The following STYX variants were observed in gnomAD, a reference collection of about 807,000 sequenced individuals.
STYX encodes the protein serine/threonine/tyrosine interacting protein.
In STYX, 20 loss-of-function variants were observed where a neutral mutation model predicts 42.7. That is an observed-to-expected ratio of 0.47 (90% CI 0.33 to 0.68). The LOEUF (loss-of-function observed/expected upper bound fraction) is 0.68, where lower values mean the gene tolerates loss of function less well. STYX is among the 30% of genes least tolerant of loss of function. The pLI, the probability that STYX is intolerant of heterozygous loss-of-function variation, is 0.02. For synonymous variants in STYX, 78 were observed against 81.9 expected, an observed-to-expected ratio of 0.95 and a Z score of 0.26; for missense variants, 226 against 268.5, an observed-to-expected ratio of 0.84 and a Z score of 1.11.
intron 9 of STYX, among the ~76,000 whole-genome samples, chr14:52,766,048 G>A (rs1882290654): frequency 6.6e-6 from 1 of 152,160 alleles, no homozygotes; most frequent in African/African-American, 2.4e-5. Context: ...CCAGGCTACA[G>A]TGCAGTGGCG....
At chr14:52,730,679 G>C in intron 1 of STYX, 148 bp downstream of exon 1, 2 of 802,510 alleles carry the variant, frequency 2.5e-6, no homozygotes, top group Middle Eastern at 3.6e-4. Flanking sequence ...CGAGCGGTCG[G>C]CTCCAATCCC....
chr14:52,761,970 G>C (rs755706157), intron 9 of STYX, among the ~76,000 whole-genome samples: 5 of 151,428 alleles, frequency 3.3e-5, no homozygotes, highest in Non-Finnish European at 7.4e-5. Context: ...GCTTGAACTC[G>C]GGAGGCGGAG....
chr14:52,732,194 C>G (rs1594860264), intron 1 of STYX, among the ~76,000 whole-genome samples: 1 of 150,496 alleles, frequency 6.6e-6, no homozygotes, highest in Admixed American at 6.6e-5. Flanking sequence ...GCCTCGGGTC[C>G]CGGTTCAAAC....
intron 1 of STYX, among the ~76,000 whole-genome samples, chr14:52,734,302 A>G (rs901042913): frequency 3.3e-5 from 5 of 152,070 alleles, no homozygotes; most frequent in African/African-American, 2.4e-5. Context: ...CTGCCTCCAG[A>G]CCCTATTCAC....
At chr14:52,760,742 TTG>T (rs372864408) in intron 9 of STYX, among the ~76,000 whole-genome samples, 213 of 152,316 alleles carry the variant, frequency 1.4e-3, no homozygotes, top group African/African-American at 5.0e-3. Context: ...TCTTCTAACT[TTG>T]TAAGTTTCTT....
At chr14:52,738,879 G>T (rs1449332381) in intron 1 of STYX, among the ~76,000 whole-genome samples, 1 of 151,816 alleles carries the variant, frequency 6.6e-6, no homozygotes, top group Non-Finnish European at 1.5e-5. Context: ...TTATTCTAAG[G>T]GCCCATTTAT....
Position 52,752,184 on chromosome 14 carries a change from A to AC in STYX, c.242+1404_242+1405insC, listed in dbSNP as rs1471054647. On this transcript the variant is annotated intron_variant, in intron 4 of 10. Transcript: ENST00000354586. Reference sequence around the variant, plus strand: ...CAAAAACAAAACAAAACAAAACAAAAAAAAAACAGCGCTGTGGCTTACACC... The same window carrying AC: ...CAAAAACAAAACAAAACAAAACAAAACAAAAAACAGCGCTGTGGCTTACACC... 1.2e-3 allele frequency among the ~76,000 whole-genome samples: 137 copies of AC among 115,196 alleles called. No individual in the cohort carries two copies. The South Asian group carries it at 0.013, about 11-fold the overall frequency. 75.6% of individuals were successfully genotyped at this position (115,196 alleles called of 152,430 possible).
Position 52,774,646 on chromosome 14 carries a change from C to A in STYX, c.*3540C>A, listed in dbSNP as rs1372826552. The A allele has an allele frequency of 6.8e-6, 1 of 146,934 alleles. No homozygotes were observed. The highest frequency in any genetic ancestry group is 1.5e-5 in the Non-Finnish European group (1 of 67,276). 9.1% of individuals were successfully genotyped at this position (146,934 alleles called of 1,614,324 possible). A position where few individuals can be genotyped will look rare whatever the true frequency, so the allele number is the denominator to read the frequency against. On this transcript the variant is annotated 3_prime_UTR_variant, in exon 11 of 11. Transcript: ENST00000354586. The stretch of plus-strand genomic sequence containing the variant: ...TGTGGCAGCTAAAACAAAAATCACT[C>A]AAAATATTCAGGTTTACATGTTAGC...
intron 1 of STYX, among the ~76,000 whole-genome samples, chr14:52,743,412 T>G (rs1881273072): frequency 6.6e-6 from 1 of 151,840 alleles, no homozygotes; most frequent in South Asian, 2.1e-4. Context: ...AAACCCCGTC[T>G]CTACTAAAAG....
At chr14:52,740,744 T>G (rs1004102684) in intron 1 of STYX, among the ~76,000 whole-genome samples, 4 of 152,218 alleles carry the variant, frequency 2.6e-5, no homozygotes, top group African/African-American at 9.6e-5. Context: ...TAATCTGTCT[T>G]TTGTCTAGTT....
chr14:52,768,226 A>G (rs1882384750), intron 9 of STYX, among the ~76,000 whole-genome samples: 1 of 152,182 alleles, frequency 6.6e-6, no homozygotes, highest in Non-Finnish European at 1.5e-5. Flanking sequence ...TAGAAAATGC[A>G]TAAAATGTAA....
At chr14:52,753,694 T>C (rs1029267827) in intron 4 of STYX, among the ~76,000 whole-genome samples, 8 of 152,118 alleles carry the variant, frequency 5.3e-5, no homozygotes, top group African/African-American at 1.9e-4. Context: ...GTGAATAGTA[T>C]TGGATTTTAT....
intron 1 of STYX, among the ~76,000 whole-genome samples, chr14:52,736,680 C>T (rs947405982): frequency 2.6e-5 from 4 of 152,076 alleles, no homozygotes; most frequent in Admixed American, 1.3e-4. Flanking sequence ...TGCTTTTTAA[C>T]CCTTACTCTA....
At chr14:52,767,862 T>G (rs1882369877) in intron 9 of STYX, among the ~76,000 whole-genome samples, 1 of 152,176 alleles carries the variant, frequency 6.6e-6, no homozygotes, top group African/African-American at 2.4e-5. Flanking sequence ...CTCATGTATA[T>G]CCAGGCTAGA....
At chr14:52,734,836 C>T (rs1880882517) in intron 1 of STYX, among the ~76,000 whole-genome samples, 1 of 151,978 alleles carries the variant, frequency 6.6e-6, no homozygotes, top group South Asian at 2.1e-4. Context: ...CCGAGGCGGA[C>T]GGATCACGAG....
chr14:52,769,844 G>C (rs1882446702), intron 10 of STYX, among the ~76,000 whole-genome samples: 2 of 151,996 alleles, frequency 1.3e-5, no homozygotes, highest in South Asian at 4.2e-4. Context: ...TCCCATGAAA[G>C]ATATTTCTAA....
At chr14:52,736,820 CTTA>C (rs1282170785) in intron 1 of STYX, among the ~76,000 whole-genome samples, 2 of 40,004 alleles carry the variant, frequency 5.0e-5, no homozygotes, top group Non-Finnish European at 1.2e-4. Flanking sequence ...TAGAAAATAT[CTTA>C]CTTGAGTACT....
At chr14:52,757,562 T>C (rs549972435) in intron 6 of STYX, among the ~76,000 whole-genome samples, 181 bp from the exon 7 acceptor site, 62 of 152,318 alleles carry the variant, frequency 4.1e-4, no homozygotes, top group Admixed American at 2.2e-3. Context: ...CTCTGTGAGC[T>C]TTCAGTTTCT....
At chr14:52,770,806 A>G (rs1882481974) in intron 10 of STYX, among the ~76,000 whole-genome samples, 1 of 152,082 alleles carries the variant, frequency 6.6e-6, no homozygotes, top group Non-Finnish European at 1.5e-5. Context: ...TTTATATGCA[A>G]TACCTAAGAC....
Sources: allele counts gnomAD v4.1 joint callset (sites outside exome capture counted in the v4.1 genomes callset), GRCh38; gene constraint gnomAD v4.1.1; transcripts MANE v1.5; gene names NCBI Gene and HGNC (gene_info 2026-07-23, HGNC 2026-07-21).